Variants in ZDHHC15 observed in about 807,000 individuals in gnomAD.
ZDHHC15 encodes the protein palmitoyltransferase ZDHHC15.
Under a neutral mutation model 31.7 loss-of-function variants are expected in ZDHHC15, and 19 were observed. The ratio of observed to expected loss-of-function variants is 0.60; its 90% CI spans 0.42 to 0.88. The LOEUF (loss-of-function observed/expected upper bound fraction) is 0.88. Ranked by LOEUF, ZDHHC15 falls within the 40% of genes least tolerant of loss-of-function variation. ZDHHC15 has a pLI of 0.00. For missense variants in ZDHHC15, 209 were observed against 251.2 expected (o/e 0.83, Z 1.14); for synonymous variants, 103 against 90.0 (o/e 1.14, Z -0.82).
chrX:75,475,084 T>G (rs1318017422), intron 3 of ZDHHC15, among the ~76,000 whole-genome samples: 2 of 111,535 alleles, frequency 1.8e-5, no homozygotes, highest in Non-Finnish European at 3.8e-5. Context: ...TAAATAAAAA[T>G]AAATAAAAAA....
rs138503292 is a variant in ZDHHC15, at chrX:75,378,756, G to A, written c.*32+364C>T. Among the ~76,000 whole-genome samples the A allele has an allele frequency of 3.1e-3, 342 of 111,226 alleles. 1 individual carries two copies. Among genetic ancestry groups the A allele is most frequent in the African/African-American group, 0.011 (326 of 30,613 alleles). ...TTATTAACTGACATAATGGAGTCAG[G>A]CAAAAGAAAGCTATTTGTAATCTGT... On this transcript the variant is annotated intron_variant, in intron 11 of 11. Coordinates refer to ENST00000373367, the MANE Select transcript of ZDHHC15 (RefSeq NM_144969.3).
intron 2 of ZDHHC15, among the ~76,000 whole-genome samples, chrX:75,490,174 T>A (rs1485093948): frequency 9.0e-6 from 1 of 111,721 alleles, no homozygotes; most frequent in Non-Finnish European, 1.9e-5. Context: ...CTGAAGGATA[T>A]TATCCAGGAG....
chrX:75,431,247 T>C lies in ZDHHC15; in HGVS notation c.449+204A>G, dbSNP rs978770554. On this transcript the variant is annotated intron_variant, in intron 5 of 11. Coordinates refer to ENST00000373367, the MANE Select transcript of ZDHHC15 (RefSeq NM_144969.3). ...TGTCCACAAATACAATGTTAGTTTT[T>C]AAAATGTGGTCTTACTTCTCTTACT... 2.7e-5 allele frequency among the ~76,000 whole-genome samples: 3 copies of C among 112,289 alleles called. No homozygotes were observed. In the Admixed American group the frequency reaches 2.8e-4, roughly 11 times the overall value.
chrX:75,475,326 A>ATT (rs35679433), intron 3 of ZDHHC15, among the ~76,000 whole-genome samples: 10 of 108,678 alleles, frequency 9.2e-5, no homozygotes, highest in Admixed American at 2.0e-4. Flanking sequence ...TCCTCTGTGG[A>ATT]TTTTTTTTCT....
rs370861917 is a variant in ZDHHC15, at chrX:75,496,894, GA to G, written c.163+8926del. 5.6e-4 allele frequency among the ~76,000 whole-genome samples: 62 copies of G among 110,805 alleles called. 1 individual carries two copies. Among genetic ancestry groups the G allele is most frequent in the African/African-American group, 1.9e-3 (58 of 30,521 alleles). On this transcript the variant is annotated intron_variant, in intron 2 of 11. Transcript: ENST00000373367. ...ATTAAGCATCTACATCAAAAAGTCT[GA>G]AGAGTGCAAACAAACAATCTAAGCT...
At chrX:75,380,349 A>G (rs752156150) in intron 10 of ZDHHC15, among the ~76,000 whole-genome samples, 1 of 112,036 alleles carries the variant, frequency 8.9e-6, no homozygotes, top group South Asian at 3.7e-4. Flanking sequence ...AATTCTTTCA[A>G]TGTTCACTCC....
intron 4 of ZDHHC15, among the ~76,000 whole-genome samples, chrX:75,433,656 AGTGTGTGTGT>A (rs138064587): frequency 1.4e-3 from 77 of 53,546 alleles, no homozygotes; most frequent in African/African-American, 3.9e-3. Context: ...ATGGCTGAGT[AGTGTGTGTGT>A]GTGTGTGTGT....
intron 3 of ZDHHC15, among the ~76,000 whole-genome samples, chrX:75,470,456 T>C (rs1316695517): frequency 9.0e-6 from 1 of 111,068 alleles, no homozygotes; most frequent in Non-Finnish European, 1.9e-5. Context: ...CCTTTGACCA[T>C]ATGTGGAGAA....
chrX:75,467,052 G>T (rs2084418216), intron 3 of ZDHHC15, among the ~76,000 whole-genome samples: 1 of 111,054 alleles, frequency 9.0e-6, no homozygotes, highest in Admixed American at 9.6e-5. Flanking sequence ...TAAAATAAAA[G>T]TTTAAGACAA....
intron 1 of ZDHHC15, among the ~76,000 whole-genome samples, chrX:75,513,027 A>T (rs1450617691): frequency 2.0e-5 from 2 of 101,825 alleles, no homozygotes; most frequent in Admixed American, 2.2e-4. Context: ...TGAGAAAAAC[A>T]AGCAATGGGG....
chrX:75,420,433 G>A (rs776505999), intron 9 of ZDHHC15, among the ~76,000 whole-genome samples: 74 of 111,388 alleles, frequency 6.6e-4, no homozygotes, highest in African/African-American at 2.4e-3. Context: ...AATACCATTT[G>A]ACCCAGCCAT....
chrX:75,491,426 T>A (rs1306422220), intron 2 of ZDHHC15, among the ~76,000 whole-genome samples: 13 of 89,439 alleles, frequency 1.5e-4, no homozygotes, highest in African/African-American at 5.7e-4. Context: ...TATTGAACAA[T>A]GAGAACACAT....
intron 8 of ZDHHC15, among the ~76,000 whole-genome samples, chrX:75,422,920 G>A (rs1326792581): frequency 1.9e-5 from 2 of 105,210 alleles, no homozygotes; most frequent in African/African-American, 3.4e-5. Context: ...TTGTCATCTA[G>A]CATTAGGTAT....
intron 4 of ZDHHC15, among the ~76,000 whole-genome samples, chrX:75,444,127 C>T (rs1355158076): frequency 9.0e-6 from 1 of 111,171 alleles, no homozygotes; most frequent in Admixed American, 9.6e-5. Context: ...GGTATATACC[C>T]AAGGGATTAT....
chrX:75,389,188 C>T (rs757032553), intron 10 of ZDHHC15, among the ~76,000 whole-genome samples: 2 of 111,698 alleles, frequency 1.8e-5, no homozygotes, highest in African/African-American at 6.5e-5. Flanking sequence ...ATAAGAAATG[C>T]CAATCCCAGT....
intron 4 of ZDHHC15, among the ~76,000 whole-genome samples, chrX:75,449,212 AC>A: frequency 3.0e-5 from 1 of 32,807 alleles, no homozygotes; most frequent in Admixed American, 3.3e-4. Context: ...ACACACACAC[AC>A]ACACACACAC....
Position 75,371,637 on chromosome X carries a change from C to T in ZDHHC15, c.*1341G>A, listed in dbSNP as rs950994864. 2.7e-5 allele frequency: 3 copies of T among 111,573 alleles called. No individual in the cohort carries two copies. Among genetic ancestry groups the T allele is most frequent in the Non-Finnish European group, 5.6e-5 (3 of 53,148 alleles). 9.2% of individuals were successfully genotyped at this position (111,573 alleles called of 1,213,427 possible). ...AAACCATCCCTCTAGAAGCTCAATTCCTTGATACCTGTAAGATGCTTCTAA... is the reference window on the plus strand; with the variant it reads ...AAACCATCCCTCTAGAAGCTCAATTTCTTGATACCTGTAAGATGCTTCTAA... On this transcript the variant is annotated 3_prime_UTR_variant, in exon 12 of 12. Coordinates refer to ENST00000373367, the MANE Select transcript of ZDHHC15 (RefSeq NM_144969.3).
intron 10 of ZDHHC15, among the ~76,000 whole-genome samples, chrX:75,389,186 T>C (rs1268520534): frequency 1.8e-5 from 2 of 111,462 alleles, no homozygotes; most frequent in Non-Finnish European, 3.8e-5. Context: ...AGATAAGAAA[T>C]GCCAATCCCA....
At chrX:75,416,851 T>C (rs1176541620) in intron 10 of ZDHHC15, among the ~76,000 whole-genome samples, 5 of 111,500 alleles carry the variant, frequency 4.5e-5, no homozygotes, top group Non-Finnish European at 9.4e-5. Context: ...CAGATGTATA[T>C]CTGACTGGTA....
Sources: gnomAD v4.1 joint callset for allele counts (sites outside exome capture counted in the v4.1 genomes callset) on GRCh38, gnomAD v4.1.1 for gene constraint, MANE v1.5 for transcripts, NCBI Gene and HGNC (gene_info 2026-07-23, HGNC 2026-07-21) for gene names.